GREB1L: variants seen among roughly 807,000 people sequenced by gnomAD.
The protein encoded by GREB1L is GREB1 like retinoic acid receptor coactivator.
Under a neutral mutation model 200.8 loss-of-function variants are expected in GREB1L, and 17 were observed. The ratio of observed to expected loss-of-function variants is 0.08; its 90% CI spans 0.06 to 0.13. The LOEUF is 0.13. GREB1L is among the 10% of genes least tolerant of loss of function. The pLI, the probability that GREB1L is intolerant of heterozygous loss-of-function variation, is 1.00. For synonymous variants in GREB1L, 789 were observed against 893.0 expected (o/e 0.88, Z 2.08); for missense variants, 1,657 against 2,367.7 (o/e 0.70, Z 6.23).
intron 1 of GREB1L, among the ~76,000 whole-genome samples, chr18:21,326,579 C>A (rs190677120): frequency 6.6e-6 from 1 of 152,280 alleles, no homozygotes; most frequent in Admixed American, 6.5e-5. Flanking sequence ...ATGATCATGT[C>A]TTTTAGTGAA....
Position 21,267,570 on chromosome 18 carries a change from T to C in GREB1L, c.-120+25177T>C, listed in dbSNP as rs547781014. On this transcript the variant is annotated intron_variant, in intron 1 of 32. Transcript: ENST00000424526. Reference sequence around the variant, plus strand: ...ACAGAGAGTAGGAACAATGTCTTCATTGTTTTTGCTTTTGGATTCCTCAGA... The same window carrying C: ...ACAGAGAGTAGGAACAATGTCTTCACTGTTTTTGCTTTTGGATTCCTCAGA... 3.9e-5 allele frequency among the ~76,000 whole-genome samples: 6 copies of C among 152,234 alleles called. No individual in the cohort carries two copies. In the East Asian group the frequency reaches 1.2e-3, roughly 29 times the overall value.
chr18:21,445,804 G>A (rs941603017), intron 11 of GREB1L, among the ~76,000 whole-genome samples: 1 of 152,112 alleles, frequency 6.6e-6, no homozygotes, highest in Non-Finnish European at 1.5e-5. Context: ...GATGCTTATT[G>A]AAAGGTAATA....
chr18:21,270,698 A>G (rs1262589719), intron 1 of GREB1L, among the ~76,000 whole-genome samples: 2 of 152,202 alleles, frequency 1.3e-5, no homozygotes, highest in African/African-American at 4.8e-5. Context: ...AACCTTAATT[A>G]TTCTTTAGTT....
intron 10 of GREB1L, among the ~76,000 whole-genome samples, chr18:21,442,147 G>A (rs1315656837): frequency 1.3e-5 from 2 of 152,174 alleles, no homozygotes; most frequent in African/African-American, 2.4e-5. Flanking sequence ...TACAAGTGGA[G>A]GTATAGACAT....
At position 21,444,232 on chromosome 18, in the gene GREB1L, A is replaced by C; in HGVS notation, c.1216A>C (p.Thr406Pro). 6.4e-7 allele frequency: 1 copy of C among 1,550,688 alleles called. No homozygotes were observed. Among genetic ancestry groups the C allele is most frequent in the Non-Finnish European group, 8.7e-7 (1 of 1,146,022 alleles). Residue 406 changes from threonine to proline, a missense_variant, in exon 11 of 33, where the codon ACT (threonine) becomes CCT (proline). Transcript: ENST00000424526. ...VRPVILIGYG[T>P]LPYFYGNVGD... ...TGCTTCTATTGGGACAGGCTATGGCACTTTACCCTATTTCTATGGAAATGT... is the reference window on the plus strand; with the variant it reads ...TGCTTCTATTGGGACAGGCTATGGCCCTTTACCCTATTTCTATGGAAATGT...
chr18:21,267,048 C>T lies in GREB1L; in HGVS notation c.-120+24655C>T, dbSNP rs370508433. Among the ~76,000 whole-genome samples the T allele has an allele frequency of 5.3e-5, 8 of 152,204 alleles. No homozygotes were observed. The South Asian group carries it at 1.5e-3, about 28-fold the overall frequency. ...TCCTGGGTTTAAGCGATTCTCCTACCTCAGTCTGCTGACTAGCTGGGACTA... is the reference window on the plus strand; with the variant it reads ...TCCTGGGTTTAAGCGATTCTCCTACTTCAGTCTGCTGACTAGCTGGGACTA... On this transcript the variant is annotated intron_variant, in intron 1 of 32. Coordinates refer to ENST00000424526, the MANE Select transcript of GREB1L (RefSeq NM_001142966.3).
intron 7 of GREB1L, among the ~76,000 whole-genome samples, chr18:21,434,557 GTATATATATGTGTGTA>G (rs2033411291): frequency 7.5e-6 from 1 of 133,192 alleles, no homozygotes; most frequent in African/African-American, 3.4e-5. Flanking sequence ...ATATATGTGT[GTATATATATGTGTGTA>G]TATATATATA....
At chr18:21,285,779 A>G (rs2038345204) in intron 1 of GREB1L, among the ~76,000 whole-genome samples, 1 of 152,254 alleles carries the variant, frequency 6.6e-6, no homozygotes, top group Non-Finnish European at 1.5e-5. Flanking sequence ...ATGCCATACT[A>G]AGTTGTTATC....
chr18:21,403,265 A>G (rs1253894216), intron 6 of GREB1L, among the ~76,000 whole-genome samples: 1 of 152,224 alleles, frequency 6.6e-6, no homozygotes, highest in Non-Finnish European at 1.5e-5. Flanking sequence ...GAGGCCCATT[A>G]ATACTGGCTT....
chr18:21,377,878 C>G (rs894875820), intron 2 of GREB1L, among the ~76,000 whole-genome samples: 5 of 151,902 alleles, frequency 3.3e-5, no homozygotes, highest in Non-Finnish European at 7.4e-5. Flanking sequence ...CTATTGCACT[C>G]CAGCCTGGGC....
chr18:21,382,243 G>T (rs2040346951), intron 2 of GREB1L, among the ~76,000 whole-genome samples: 1 of 152,000 alleles, frequency 6.6e-6, no homozygotes, highest in Non-Finnish European at 1.5e-5. Context: ...TACTTGGGAG[G>T]CTGAGGAGAG....
intron 7 of GREB1L, among the ~76,000 whole-genome samples, chr18:21,422,388 A>C (rs1325310043): frequency 2.0e-5 from 3 of 152,194 alleles, no homozygotes; most frequent in Non-Finnish European, 4.4e-5. Flanking sequence ...TATATGCAGT[A>C]AAAAGTTTCT....
At chr18:21,271,126 A>G (rs1412101957) in intron 1 of GREB1L, among the ~76,000 whole-genome samples, 1 of 152,224 alleles carries the variant, frequency 6.6e-6, no homozygotes, top group Non-Finnish European at 1.5e-5. Flanking sequence ...ATAGATGATG[A>G]CAAACAATGA....
At chr18:21,413,233 A>G (rs1272268598) in intron 7 of GREB1L, among the ~76,000 whole-genome samples, 2 of 152,138 alleles carry the variant, frequency 1.3e-5, no homozygotes, top group African/African-American at 2.4e-5. Flanking sequence ...CCCTGCTCAC[A>G]TAGCCTATCA....
chr18:21,366,418 A>G (rs1361370602), intron 2 of GREB1L, among the ~76,000 whole-genome samples: 1 of 152,002 alleles, frequency 6.6e-6, no homozygotes, highest in Non-Finnish European at 1.5e-5. Context: ...TTTGTTGATT[A>G]TGATTTTATG....
intron 15 of GREB1L, among the ~76,000 whole-genome samples, chr18:21,466,949 C>A (rs78757221): frequency 0.012 from 1,842 of 152,218 alleles, 41 homozygotes; most frequent in African/African-American, 0.042. Flanking sequence ...CAGAAATAAA[C>A]CTCCCATTTA....
intron 1 of GREB1L, among the ~76,000 whole-genome samples, chr18:21,311,511 A>G (rs1210468897): frequency 6.6e-6 from 1 of 152,206 alleles, no homozygotes; most frequent in Non-Finnish European, 1.5e-5. Context: ...GTCGTTGAAG[A>G]TAATCCTCTG....
chr18:21,385,098 G>C (rs748861843), intron 4 of GREB1L, among the ~76,000 whole-genome samples: 5 of 151,958 alleles, frequency 3.3e-5, no homozygotes, highest in Non-Finnish European at 5.9e-5. Context: ...ATAGTTTACT[G>C]TGCTATTTTC....
intron 13 of GREB1L, 111 bp from the exon 14 acceptor site, chr18:21,451,972 G>A (rs1188777722): frequency 2.9e-5 from 27 of 947,174 alleles, no homozygotes; most frequent in Admixed American, 2.1e-4. Context: ...ATGAATTGCT[G>A]GCTGACCAAC....
Sources: gnomAD v4.1 joint callset for allele counts (sites outside exome capture counted in the v4.1 genomes callset) on GRCh38, gnomAD v4.1.1 for gene constraint, MANE v1.5 for transcripts, NCBI Gene and HGNC (gene_info 2026-07-23, HGNC 2026-07-21) for gene names.